Variants in LARGE1 observed in about 807,000 individuals in gnomAD.
The protein encoded by LARGE1 is LARGE xylosyl- and glucuronyltransferase 1, also known as xylosyl- and glucuronyltransferase LARGE1.
A neutral mutation model predicts 87.6 loss-of-function variants in LARGE1; 43 were observed. The observed-to-expected ratio is 0.49, with a 90% CI of 0.38 to 0.63. LARGE1 has a LOEUF of 0.63. Ranked by LOEUF, LARGE1 falls within the 30% of genes least tolerant of loss-of-function variation. The pLI is 0.00. For synonymous variants in LARGE1, 434 were observed against 394.6 expected (o/e 1.10, Z -1.18); for missense variants, 802 against 1,000.2 (o/e 0.80, Z 2.67).
intron 11 of LARGE1, among the ~76,000 whole-genome samples, chr22:33,253,771 C>T (rs1013272227): frequency 6.6e-6 from 1 of 152,120 alleles, no homozygotes; most frequent in African/African-American, 2.4e-5. Flanking sequence ...GGCTGCACCT[C>T]GGAGGGGAAG....
chr22:33,173,182 A>G (rs1922672815), intron 11 of LARGE1, among the ~76,000 whole-genome samples: 1 of 152,214 alleles, frequency 6.6e-6, no homozygotes. Flanking sequence ...CCTACAAGCC[A>G]GAAGAGAGTG....
intron 7 of LARGE1, among the ~76,000 whole-genome samples, chr22:33,429,736 A>G: frequency 6.6e-6 from 1 of 152,302 alleles, no homozygotes; most frequent in East Asian, 1.9e-4. Flanking sequence ...ACCCAGAAAC[A>G]TAGGTGTCTC....
chr22:33,574,988 G>A (rs5999019), intron 5 of LARGE1, among the ~76,000 whole-genome samples: 2,486 of 152,242 alleles, frequency 0.016, 62 homozygotes, highest in African/African-American at 0.057. Flanking sequence ...ACAGAAGGCA[G>A]CTGAGAGGCA....
At chr22:33,658,077 AT>A (rs567972501) in intron 2 of LARGE1, among the ~76,000 whole-genome samples, 369 of 152,256 alleles carry the variant, frequency 2.4e-3, no homozygotes, top group Non-Finnish European at 3.9e-3. Context: ...AATGTCTCCT[AT>A]TCAACACCCT....
chr22:33,774,600 C>T (rs541295741), intron 1 of LARGE1, among the ~76,000 whole-genome samples: 27 of 152,166 alleles, frequency 1.8e-4, no homozygotes, highest in Admixed American at 4.6e-4. Context: ...TCAGGTGATC[C>T]GTCCCCCTTG....
At chr22:33,231,092 TTTG>T (rs1372929649) in intron 11 of LARGE1, among the ~76,000 whole-genome samples, 1 of 152,256 alleles carries the variant, frequency 6.6e-6, no homozygotes, top group Non-Finnish European at 1.5e-5. Flanking sequence ...TGTTGGTTGA[TTTG>T]TTGACTGTTT....
At chr22:33,555,313 C>T (rs2077642922) in intron 6 of LARGE1, among the ~76,000 whole-genome samples, 1 of 152,030 alleles carries the variant, frequency 6.6e-6, no homozygotes, top group Non-Finnish European at 1.5e-5. Context: ...CAGCTGTATC[C>T]TGGTACCTGG....
chr22:33,491,704 C>T (rs767628011), intron 6 of LARGE1, among the ~76,000 whole-genome samples: 2 of 152,168 alleles, frequency 1.3e-5, no homozygotes, highest in East Asian at 1.9e-4. Flanking sequence ...GATCTTACAG[C>T]CCCATTTTTG....
At chr22:33,739,480 G>C (rs964335562) in intron 2 of LARGE1, among the ~76,000 whole-genome samples, 14 of 152,286 alleles carry the variant, frequency 9.2e-5, no homozygotes, top group African/African-American at 3.4e-4. Flanking sequence ...AATTTACCCT[G>C]CAGCCACGCA....
chr22:33,784,252 C>T (rs111815233), intron 1 of LARGE1, among the ~76,000 whole-genome samples: 10 of 152,230 alleles, frequency 6.6e-5, no homozygotes, highest in African/African-American at 2.4e-4. Flanking sequence ...TTCTGCAATG[C>T]CAAGCTCTAC....
At chr22:33,539,059 G>A (rs1019548736) in intron 6 of LARGE1, among the ~76,000 whole-genome samples, 4 of 152,070 alleles carry the variant, frequency 2.6e-5, no homozygotes, top group East Asian at 1.9e-4. Flanking sequence ...ATTGTTTTAC[G>A]AAAATATTGT....
At chr22:33,675,697 C>T (rs576507258) in intron 2 of LARGE1, among the ~76,000 whole-genome samples, 27 of 152,292 alleles carry the variant, frequency 1.8e-4, no homozygotes, top group African/African-American at 6.0e-4. Context: ...TTTGAGTCAC[C>T]TGCCAAAGGA....
intron 11 of LARGE1, among the ~76,000 whole-genome samples, chr22:33,258,879 T>C (rs1167383822): frequency 1.7e-5 from 1 of 59,080 alleles, no homozygotes; most frequent in East Asian, 2.8e-4. Flanking sequence ...ATGTTTCTTC[T>C]TTTTTTTTTT....
intron 11 of LARGE1, among the ~76,000 whole-genome samples, chr22:33,166,988 C>T (rs1238681790): frequency 6.6e-6 from 1 of 152,176 alleles, no homozygotes; most frequent in African/African-American, 2.4e-5. Context: ...GTATATTTTT[C>T]CCTAAGATCA....
chr22:33,748,936 T>C (rs1017647362), intron 2 of LARGE1, among the ~76,000 whole-genome samples: 2 of 152,192 alleles, frequency 1.3e-5, no homozygotes, highest in African/African-American at 2.4e-5. Flanking sequence ...AGTTCCTCAG[T>C]TGTAAAACAA....
intron 1 of LARGE1, among the ~76,000 whole-genome samples, chr22:33,870,044 G>A (rs532112445): frequency 1.8e-4 from 27 of 152,172 alleles, no homozygotes; most frequent in Non-Finnish European, 3.5e-4. Context: ...ACCTTATTTG[G>A]AAACAAGTTC....
rs1362267871 is a variant in LARGE1, at chr22:33,471,885, A to G, written c.788-39620T>C. On this transcript the variant is annotated intron_variant, in intron 6 of 14. Transcript: ENST00000397394. ...GCCAATATGGTGAAACCCCGTCTCT[A>G]CTAAAAATACAAAAATTAGCTGGGC... 2.0e-5 allele frequency among the ~76,000 whole-genome samples: 3 copies of G among 152,146 alleles called. No homozygotes were observed. The East Asian group carries it at 5.8e-4, about 29-fold the overall frequency.
chr22:33,749,316 G>A lies in LARGE1; in HGVS notation c.106+12055C>T, dbSNP rs554128427. Among the ~76,000 whole-genome samples the A allele has an allele frequency of 1.1e-4, 16 of 152,284 alleles. No individual in the cohort carries two copies. In the East Asian group the frequency reaches 3.1e-3, roughly 29 times the overall value. ...TTCAGTAGAGATGGGGTTTCTCCAT[G>A]TTGGTCAGGCTGGTCTCGAACTCCC... On this transcript the variant is annotated intron_variant, in intron 2 of 14. Transcript: ENST00000397394.
chr22:33,858,006 T>C (rs1264379291), intron 1 of LARGE1, among the ~76,000 whole-genome samples: 5 of 152,150 alleles, frequency 3.3e-5, no homozygotes, highest in South Asian at 2.1e-4. Flanking sequence ...TCGTGTTCTC[T>C]GACCTGGGGT....
Sources: allele counts gnomAD v4.1 joint callset (sites outside exome capture counted in the v4.1 genomes callset), GRCh38; gene constraint gnomAD v4.1.1; transcripts MANE v1.5; gene names NCBI Gene and HGNC (gene_info 2026-07-23, HGNC 2026-07-21).